Variants in CNGA1 observed in about 807,000 individuals in gnomAD.
The protein encoded by CNGA1 is cyclic nucleotide-gated channel alpha-1.
CNGA1 carries 53 observed loss-of-function variants against 69.7 expected under a neutral mutation model. That is an observed-to-expected ratio of 0.76 (90% CI 0.61 to 0.96). The LOEUF (loss-of-function observed/expected upper bound fraction) is 0.96. Ranked by LOEUF, CNGA1 falls within the 40% of genes least tolerant of loss-of-function variation. The pLI is 0.00. For synonymous variants in CNGA1, 249 were observed against 283.5 expected (o/e 0.88, Z 1.22); for missense variants, 739 against 811.2 (o/e 0.91, Z 1.08).
intron 2 of CNGA1, among the ~76,000 whole-genome samples, chr4:47,996,448 C>A (rs1578122260): frequency 6.6e-6 from 1 of 152,248 alleles, no homozygotes; most frequent in Admixed American, 6.5e-5. Context: ...CTGCCCTGAA[C>A]CTTGTTGTTG....
intron 10 of CNGA1, among the ~76,000 whole-genome samples, chr4:47,939,863 C>T (rs943609945): frequency 6.6e-6 from 1 of 152,186 alleles, no homozygotes; most frequent in Non-Finnish European, 1.5e-5. Flanking sequence ...TAATAGCCCA[C>T]GCCAGTGTCT....
At chr4:48,002,589 G>A (rs903431367) in intron 2 of CNGA1, among the ~76,000 whole-genome samples, 9 of 136,566 alleles carry the variant, frequency 6.6e-5, no homozygotes, top group Admixed American at 1.4e-4. Flanking sequence ...TGAAATAGGC[G>A]TCAAAGCTGC....
chr4:47,942,281 T>G, intron 8 of CNGA1, 133 bp from the exon 9 acceptor site: 1 of 697,402 alleles, frequency 1.4e-6, no homozygotes, highest in Non-Finnish European at 2.6e-6. Context: ...CACTCTGCAG[T>G]GTGAAGATTA....
chr4:47,954,658 T>C (rs1220556740), intron 3 of CNGA1, among the ~76,000 whole-genome samples: 2 of 152,212 alleles, frequency 1.3e-5, no homozygotes, highest in South Asian at 2.1e-4. Context: ...CTCCTCCTAA[T>C]TCCCTACTGG....
intron 3 of CNGA1, among the ~76,000 whole-genome samples, chr4:47,980,834 G>A (rs562932868): frequency 1.1e-4 from 16 of 151,706 alleles, no homozygotes; most frequent in African/African-American, 2.9e-4. Context: ...AAGAAGGCAA[G>A]GTGATTTAAA....
intron 3 of CNGA1, among the ~76,000 whole-genome samples, chr4:47,955,705 AG>A (rs1212943914): frequency 6.6e-6 from 1 of 152,154 alleles, no homozygotes; most frequent in Non-Finnish European, 1.5e-5. Flanking sequence ...CCCTTGACCT[AG>A]GTAATTGCTT....
At chr4:47,994,142 T>C (rs938121083) in intron 2 of CNGA1, among the ~76,000 whole-genome samples, 1 of 152,160 alleles carries the variant, frequency 6.6e-6, no homozygotes, top group Non-Finnish European at 1.5e-5. Context: ...AAATAGAATG[T>C]ATATTCTGCA....
chr4:47,962,073 C>T (rs111497798), intron 3 of CNGA1, among the ~76,000 whole-genome samples: 15,923 of 152,064 alleles, frequency 0.1, 1,324 homozygotes, highest in East Asian at 0.32. Context: ...TGGCCGGGCG[C>T]GGTGGCTCGT....
chr4:47,976,212 TACAC>T (rs1353940297), intron 3 of CNGA1, among the ~76,000 whole-genome samples: 2 of 58,998 alleles, frequency 3.4e-5, no homozygotes, highest in African/African-American at 2.3e-4. Context: ...TATATATATA[TACAC>T]ATACATATAT....
chr4:47,971,177 T>C (rs1262929925), intron 3 of CNGA1: 2 of 398,124 alleles, frequency 5.0e-6, no homozygotes, highest in African/African-American at 2.1e-5. Context: ...TTTGTGTGTG[T>C]GTGTGTGTGT....
intron 3 of CNGA1, among the ~76,000 whole-genome samples, chr4:47,962,540 T>C (rs2352472): frequency 0.53 from 80,537 of 151,972 alleles, 23,065 homozygotes; most frequent in Non-Finnish European, 0.64. Context: ...TAATTCTCAC[T>C]ACAAACTGTG....
At chr4:47,953,824 A>G (rs1739889866) in intron 3 of CNGA1, among the ~76,000 whole-genome samples, 1 of 152,184 alleles carries the variant, frequency 6.6e-6, no homozygotes, top group Non-Finnish European at 1.5e-5. Context: ...CCAGTAACTG[A>G]TAACGGGAAG....
At chr4:47,993,383 A>G (rs1253467993) in intron 2 of CNGA1, among the ~76,000 whole-genome samples, 2 of 152,048 alleles carry the variant, frequency 1.3e-5, no homozygotes, top group Admixed American at 6.6e-5. Flanking sequence ...TGGTCTGTTC[A>G]GGTTATCTAA....
intron 2 of CNGA1, among the ~76,000 whole-genome samples, chr4:47,994,621 T>C (rs1244662608): frequency 1.3e-5 from 2 of 152,186 alleles, no homozygotes; most frequent in African/African-American, 4.8e-5. Flanking sequence ...TTCTTATCCA[T>C]TCTGTAATTC....
Position 47,972,385 on chromosome 4 carries a change from C to T in CNGA1, c.-15+9008G>A, listed in dbSNP as rs978098549. ...TAGTCACATGTGCAAGAGTGGTTCT[C>T]ATGTATGTTTCCAGAAGTGGAACTG... On this transcript the variant is annotated intron_variant, in intron 3 of 10. Coordinates refer to ENST00000514170, the MANE Select transcript of CNGA1 (RefSeq NM_001379270.1). 3.9e-5 allele frequency among the ~76,000 whole-genome samples: 6 copies of T among 152,148 alleles called. No homozygotes were observed. In the East Asian group the frequency reaches 9.6e-4, roughly 24 times the overall value.
At chr4:47,941,919 C>T (rs951094095) in intron 9 of CNGA1, 122 bp downstream of exon 9, 9 of 669,348 alleles carry the variant, frequency 1.3e-5, no homozygotes, top group Admixed American at 1.0e-4. Context: ...CTCTCTTTAC[C>T]ACCTGCAGTA....
intron 2 of CNGA1, among the ~76,000 whole-genome samples, chr4:47,989,030 A>C (rs1578116431): frequency 6.6e-6 from 1 of 152,170 alleles, no homozygotes; most frequent in Non-Finnish European, 1.5e-5. Flanking sequence ...GGGAGTGTTC[A>C]TTAGATCCCC....
chr4:47,978,449 G>T (rs73244458), intron 3 of CNGA1, among the ~76,000 whole-genome samples: 2 of 151,864 alleles, frequency 1.3e-5, no homozygotes, highest in African/African-American at 4.8e-5. Flanking sequence ...ATTTAAATTT[G>T]TTATTTCTAA....
intron 3 of CNGA1, among the ~76,000 whole-genome samples, chr4:47,967,745 G>A (rs971861401): frequency 6.6e-6 from 1 of 152,150 alleles, no homozygotes; most frequent in African/African-American, 2.4e-5. Flanking sequence ...TTGGGAGGCC[G>A]AGGTGGGCGG....
Sources: gnomAD v4.1 joint callset for allele counts (sites outside exome capture counted in the v4.1 genomes callset) on GRCh38, gnomAD v4.1.1 for gene constraint, MANE v1.5 for transcripts, NCBI Gene and HGNC (gene_info 2026-07-23, HGNC 2026-07-21) for gene names.